Variants in ANK2 observed in about 807,000 individuals in gnomAD.
The protein encoded by ANK2 is ankyrin 2.
ANK2 carries 83 observed loss-of-function variants against 360.5 expected under a neutral mutation model. The ratio of observed to expected loss-of-function variants is 0.23; its 90% confidence interval spans 0.19 to 0.28. The LOEUF is 0.28. Ranked by LOEUF, ANK2 falls within the 10% of genes least tolerant of loss-of-function variation. The pLI, the probability that ANK2 is intolerant of heterozygous loss-of-function variation, is 1.00. For missense variants in ANK2, 4,201 were observed against 4,795.7 expected (o/e 0.88, Z 3.66); for synonymous variants, 1,740 against 1,759.5 (o/e 0.99, Z 0.28).
chr4:113,293,152 A>G (rs922900106), intron 21 of ANK2: 2 of 522,402 alleles, frequency 3.8e-6, no homozygotes, highest in Admixed American at 4.7e-5. Context: ...AGTGCAATAC[A>G]GTATTTGTAG....
At chr4:112,843,165 C>T (rs1033094533) in intron 1 of ANK2, among the ~76,000 whole-genome samples, 22 of 152,106 alleles carry the variant, frequency 1.4e-4, no homozygotes, top group Admixed American at 1.3e-3. Flanking sequence ...TCCCGTTTGC[C>T]GTATAAAATG....
the ANK2 span, among the ~76,000 whole-genome samples, chr4:112,729,548 G>A: frequency 6.6e-6 from 1 of 151,966 alleles, no homozygotes. Flanking sequence ...CTGAGGTCAG[G>A]AGTTCGAGAC....
chr4:113,297,905 G>A (rs1439975469), intron 22 of ANK2, among the ~76,000 whole-genome samples: 1 of 151,908 alleles, frequency 6.6e-6, no homozygotes, highest in Admixed American at 6.6e-5. Context: ...GAGTAACAGG[G>A]ACTACTCGGG....
intron 2 of ANK2, among the ~76,000 whole-genome samples, chr4:112,985,990 A>AATAAAATTATATATAAATATAAAATAT (rs1260735177): frequency 3.4e-5 from 5 of 148,334 alleles, no homozygotes; most frequent in East Asian, 1.9e-4. Context: ...GGAAATAAAA[A>AATAAAATTATATATAAATATAAAATAT]ATAAAATTAT....
intron 18 of ANK2, among the ~76,000 whole-genome samples, chr4:113,284,572 A>G (rs2063656704): frequency 6.6e-6 from 1 of 152,188 alleles, no homozygotes; most frequent in African/African-American, 2.4e-5. Context: ...ACAGCGTTTT[A>G]TCAGTTAGCA....
chr4:112,842,919 G>A (rs2062452635), intron 1 of ANK2, among the ~76,000 whole-genome samples: 1 of 152,246 alleles, frequency 6.6e-6, no homozygotes, highest in East Asian at 1.9e-4. Flanking sequence ...CAGGGCTGTG[G>A]GCTCTCTGAA....
chr4:112,938,806 G>C (rs2093967866), intron 2 of ANK2, among the ~76,000 whole-genome samples: 1 of 152,142 alleles, frequency 6.6e-6, no homozygotes, highest in Admixed American at 6.5e-5. Context: ...AGAGTCTCTA[G>C]TACCCTTTTA....
the ANK2 span, among the ~76,000 whole-genome samples, chr4:112,789,885 A>G: frequency 6.6e-6 from 1 of 152,364 alleles, no homozygotes; most frequent in East Asian, 1.9e-4. Flanking sequence ...ATATCACCTT[A>G]TATCTGTTAG....
chr4:113,198,891 T>G, intron 3 of ANK2, 120 bp from the exon 4 acceptor site: 2 of 869,046 alleles, frequency 2.3e-6, no homozygotes, highest in Non-Finnish European at 3.7e-6. Flanking sequence ...GCTACTATCT[T>G]GATAAATAAC....
At chr4:112,719,454 C>T in the ANK2 span, among the ~76,000 whole-genome samples, 9 of 152,014 alleles carry the variant, frequency 5.9e-5, no homozygotes, top group East Asian at 1.7e-3. Flanking sequence ...TTCGGCCGGG[C>T]ACGGTGGCTC....
chr4:112,997,866 T>TAC (rs149196220), intron 2 of ANK2, among the ~76,000 whole-genome samples: 3,546 of 150,806 alleles, frequency 0.024, 116 homozygotes, highest in East Asian at 0.14. Flanking sequence ...CACATATATA[T>TAC]ACACACACAC....
chr4:113,146,120 T>C (rs1582988834), intron 1 of ANK2: 3 of 1,140,364 alleles, frequency 2.6e-6, no homozygotes, highest in Non-Finnish European at 3.4e-6. Context: ...ATAAAGCCAA[T>C]GTGATCAAAC....
intron 39 of ANK2, 129 bp from the exon 40 acceptor site, chr4:113,363,209 T>C: frequency 1.1e-6 from 1 of 890,896 alleles, no homozygotes; most frequent in South Asian, 1.5e-5. Context: ...ACTTCTAATA[T>C]GTAGAAATTA....
intron 1 of ANK2, among the ~76,000 whole-genome samples, chr4:113,155,353 A>G (rs1031072472): frequency 2.0e-5 from 3 of 152,180 alleles, no homozygotes; most frequent in Non-Finnish European, 4.4e-5. Flanking sequence ...CACACAGCTC[A>G]TGGCAAGTGA....
chr4:112,958,721 C>T (rs1436127973), intron 2 of ANK2, among the ~76,000 whole-genome samples: 1 of 152,058 alleles, frequency 6.6e-6, no homozygotes, highest in African/African-American at 2.4e-5. Flanking sequence ...GTTGACTCTA[C>T]CTGAATACCA....
chr4:112,957,768 G>T (rs1170258137), intron 2 of ANK2, among the ~76,000 whole-genome samples: 1 of 151,226 alleles, frequency 6.6e-6, no homozygotes, highest in Non-Finnish European at 1.5e-5. Context: ...CGGGGTGGCT[G>T]CCGGGCGGAG....
At chr4:112,928,556 T>C (rs1390585224) in intron 2 of ANK2, among the ~76,000 whole-genome samples, 1 of 152,116 alleles carries the variant, frequency 6.6e-6, no homozygotes, top group Non-Finnish European at 1.5e-5. Flanking sequence ...TACTTGGTTA[T>C]AGGGTCTATA....
chr4:112,896,849 C>CCA lies in ANK2; in HGVS notation c.-39-7604_-39-7603dup, dbSNP rs576656397. Among the ~76,000 whole-genome samples, 18 of 152,288 alleles carry CCA rather than the reference C, an allele frequency of 1.2e-4. No homozygotes were observed. The East Asian group carries it at 3.5e-3, about 29-fold the overall frequency. On this transcript the variant is annotated intron_variant, in intron 1 of 30. Coordinates refer to the ANK2 transcript ENST00000503271. The stretch of plus-strand genomic sequence containing the variant: ...TTACTTACCTGCTCCTTCCAGTGAG[C>CCA]CACCACCCTCATAGTGAAGCTGTTC...
At chr4:112,859,046 C>T (rs1242975727) in intron 1 of ANK2, among the ~76,000 whole-genome samples, 1 of 152,176 alleles carries the variant, frequency 6.6e-6, no homozygotes, top group Non-Finnish European at 1.5e-5. Context: ...CAATCTTTAT[C>T]CTTTGGCACT....
Sources: gnomAD v4.1 joint callset for allele counts (sites outside exome capture counted in the v4.1 genomes callset) on GRCh38, gnomAD v4.1.1 for gene constraint, MANE v1.5 for transcripts, NCBI Gene and HGNC (gene_info 2026-07-23, HGNC 2026-07-21) for gene names.